Variants in BTBD7 observed in about 807,000 individuals in gnomAD.
BTBD7 encodes BTB domain containing 7, also known as BTB/POZ domain-containing protein 7.
BTBD7 carries 38 observed loss-of-function variants against 99.9 expected under a neutral mutation model. The observed-to-expected ratio is 0.38, with a 90% confidence interval of 0.29 to 0.50. BTBD7 has a LOEUF of 0.50. Among genes scored for constraint, BTBD7 ranks in the 20% least tolerant of loss-of-function variants. BTBD7 has a pLI of 0.93. For missense variants in BTBD7, 1,170 were observed against 1,394.6 expected (o/e 0.84, Z 2.57); for synonymous variants, 520 against 511.4 (o/e 1.02, Z -0.23).
intron 8 of BTBD7, among the ~76,000 whole-genome samples, chr14:93,249,974 A>G (rs2052353187): frequency 6.6e-6 from 1 of 152,244 alleles, no homozygotes; most frequent in Admixed American, 6.5e-5. Context: ...ACTCCTGTGC[A>G]TATTACTCAT....
At chr14:93,250,605 G>GTGTGC (rs1162709359) in intron 8 of BTBD7, among the ~76,000 whole-genome samples, 2 of 152,190 alleles carry the variant, frequency 1.3e-5, no homozygotes, top group African/African-American at 4.8e-5. Flanking sequence ...TATTGCTATA[G>GTGTGC]TGTGCTGGTT....
At chr14:93,265,021 G>A (rs1262935604) in intron 3 of BTBD7, among the ~76,000 whole-genome samples, 2 of 152,234 alleles carry the variant, frequency 1.3e-5, no homozygotes, top group African/African-American at 4.8e-5. Flanking sequence ...CTCGAGAGGC[G>A]GAGGTTGCAG....
intron 7 of BTBD7, among the ~76,000 whole-genome samples, chr14:93,253,195 A>G (rs2052388101): frequency 1.3e-5 from 2 of 152,192 alleles, no homozygotes; most frequent in South Asian, 4.1e-4. Context: ...TAGTTTGTGC[A>G]TTTATTCTAA....
At chr14:93,327,894 A>G (rs940237037) in intron 1 of BTBD7, among the ~76,000 whole-genome samples, 9 of 152,188 alleles carry the variant, frequency 5.9e-5, no homozygotes, top group African/African-American at 1.7e-4. Context: ...TTCCACACAC[A>G]AAAAAACTAT....
intron 3 of BTBD7, among the ~76,000 whole-genome samples, chr14:93,277,441 T>C (rs1334655081): frequency 6.6e-6 from 1 of 152,182 alleles, no homozygotes; most frequent in African/African-American, 2.4e-5. Context: ...ACAGGATGCC[T>C]GAAATCTCTG....
chr14:93,316,682 G>A (rs2053211026), intron 1 of BTBD7, among the ~76,000 whole-genome samples: 1 of 152,168 alleles, frequency 6.6e-6, no homozygotes, highest in Non-Finnish European at 1.5e-5. Flanking sequence ...TATAGTAGGT[G>A]CTTAACAAAT....
chr14:93,265,453 G>C (rs139419155), intron 3 of BTBD7, among the ~76,000 whole-genome samples: 38 of 152,212 alleles, frequency 2.5e-4, no homozygotes, highest in Non-Finnish European at 5.0e-4. Context: ...GCACCTTCTC[G>C]CACATGTGCT....
At chr14:93,269,695 T>A (rs1419843097) in intron 3 of BTBD7, among the ~76,000 whole-genome samples, 1 of 152,256 alleles carries the variant, frequency 6.6e-6, no homozygotes, top group African/African-American at 2.4e-5. Flanking sequence ...TTGAATATTG[T>A]GGCAATTGTT....
intron 1 of BTBD7, among the ~76,000 whole-genome samples, chr14:93,316,087 G>A (rs2053201699): frequency 6.6e-6 from 1 of 151,610 alleles, no homozygotes; most frequent in Non-Finnish European, 1.5e-5. Context: ...GAGTAGCTGG[G>A]ATTACAGGCA....
chr14:93,312,755 G>C (rs925354924), intron 1 of BTBD7, among the ~76,000 whole-genome samples: 1 of 142,820 alleles, frequency 7.0e-6, no homozygotes, highest in East Asian at 2.0e-4. Flanking sequence ...ATGGCAGGCA[G>C]TTGTGGTTCT....
intron 1 of BTBD7, among the ~76,000 whole-genome samples, chr14:93,303,037 C>A (rs2053023669): frequency 1.3e-5 from 2 of 152,020 alleles, no homozygotes; most frequent in African/African-American, 4.8e-5. Flanking sequence ...GTCTCAAATG[C>A]CAAAGGTATT....
intron 1 of BTBD7, among the ~76,000 whole-genome samples, chr14:93,325,170 G>A (rs1476580938): frequency 1.4e-5 from 2 of 139,034 alleles, no homozygotes; most frequent in African/African-American, 2.7e-5. Context: ...CTGAAGTGCA[G>A]TGGCGCAATC....
intron 10 of BTBD7, among the ~76,000 whole-genome samples, chr14:93,243,589 T>C (rs534978169): frequency 6.6e-6 from 1 of 152,334 alleles, no homozygotes; most frequent in South Asian, 2.1e-4. Flanking sequence ...TTTTGAGGTC[T>C]TTCTTTTTAT....
chr14:93,311,649 C>T (rs995458841), intron 1 of BTBD7, among the ~76,000 whole-genome samples: 1 of 152,050 alleles, frequency 6.6e-6, no homozygotes, highest in Admixed American at 6.6e-5. Flanking sequence ...ATTCTCAATG[C>T]AGCCTACATA....
intron 3 of BTBD7, among the ~76,000 whole-genome samples, chr14:93,267,341 T>C (rs2052553622): frequency 6.6e-6 from 1 of 152,202 alleles, no homozygotes; most frequent in African/African-American, 2.4e-5. Flanking sequence ...GCAAATCACT[T>C]CACTCTTTAA....
chr14:93,259,758 AC>A (rs1307257419), intron 5 of BTBD7, among the ~76,000 whole-genome samples: 1 of 152,126 alleles, frequency 6.6e-6, no homozygotes, highest in Non-Finnish European at 1.5e-5. Context: ...ACATGGCGAA[AC>A]CCTGTGTCTA....
intron 1 of BTBD7, among the ~76,000 whole-genome samples, chr14:93,328,703 T>G (rs2053362450): frequency 1.4e-5 from 2 of 146,442 alleles, no homozygotes; most frequent in South Asian, 2.2e-4. Flanking sequence ...ACCACTTGAG[T>G]CCAAAAGTTC....
rs1377773560 is a variant in BTBD7, at chr14:93,332,848, G to A, written c.-135C>T. On this transcript the variant is annotated 5_prime_UTR_variant, in exon 1 of 11. Transcript: ENST00000334746. ...GGAGGCTCCTCCCGCCGCTGCTGCTGCCGCTGGGACCGCTGCCGTCGCCTC... is the reference window on the plus strand; with the variant it reads ...GGAGGCTCCTCCCGCCGCTGCTGCTACCGCTGGGACCGCTGCCGTCGCCTC... The A allele has an allele frequency of 2.7e-6, 4 of 1,478,694 alleles. No individual in the cohort carries two copies. The Admixed American group carries it at 7.0e-5, about 26-fold the overall frequency. The allele number at this position is 1,478,694 out of a possible 1,614,324, so 91.6% of individuals were successfully genotyped here. A position where few individuals can be genotyped will look rare whatever the true frequency, so the allele number is the denominator to read the frequency against.
At position 93,252,492 on chromosome 14, in the gene BTBD7, G is replaced by A. The variant is rs147455290; in HGVS notation, c.1753-840C>T. ...TACTTCAAGCCTCCTGCATAGCTGG[G>A]ACTACAACAGCACACCACCACGCCT... is the stretch of plus-strand genomic sequence containing the variant. On this transcript the variant is annotated intron_variant, in intron 7 of 10. Transcript: ENST00000334746. 6.2e-3 allele frequency among the ~76,000 whole-genome samples: 934 copies of A among 150,048 alleles called. 4 individuals carry two copies. Among genetic ancestry groups the A allele is most frequent in the Middle Eastern group, 0.025 (7 of 282 alleles).
Sources: gnomAD v4.1 joint callset for allele counts (sites outside exome capture counted in the v4.1 genomes callset) on GRCh38, gnomAD v4.1.1 for gene constraint, MANE v1.5 for transcripts, NCBI Gene and HGNC (gene_info 2026-07-23, HGNC 2026-07-21) for gene names.